The following MYRFL variants were observed in gnomAD, a reference collection of about 807,000 sequenced individuals.
The protein encoded by MYRFL is myelin regulatory factor like.
A neutral mutation model predicts 109.4 loss-of-function variants in MYRFL; 88 were observed. The ratio of observed to expected loss-of-function variants is 0.80; its 90% CI spans 0.68 to 0.96. The LOEUF (loss-of-function observed/expected upper bound fraction) is 0.96, where lower values mean the gene tolerates loss of function less well. Ranked by LOEUF, MYRFL falls within the 40% of genes least tolerant of loss-of-function variation. MYRFL has a pLI of 0.00. For missense variants in MYRFL, 957 were observed against 954.9 expected, an observed-to-expected ratio of 1.00 and a Z score of -0.03; for synonymous variants, 324 against 320.9, an observed-to-expected ratio of 1.01 and a Z score of -0.10.
chr12:69,927,352 A>G (rs922946689), intron 14 of MYRFL, among the ~76,000 whole-genome samples: 1 of 152,074 alleles, frequency 6.6e-6, no homozygotes, highest in Non-Finnish European at 1.5e-5. Flanking sequence ...TTTAATGAGG[A>G]GAAGTGGTCA....
At chr12:69,886,695 A>G in intron 5 of MYRFL, 125 bp from the exon 6 acceptor site, 1 of 1,165,154 alleles carries the variant, frequency 8.6e-7, no homozygotes, top group Admixed American at 2.3e-5. Flanking sequence ...TCCTACCCCC[A>G]GCACATGACA....
chr12:69,917,314 C>G (rs1022390457), intron 13 of MYRFL, among the ~76,000 whole-genome samples: 1 of 150,912 alleles, frequency 6.6e-6, no homozygotes, highest in African/African-American at 2.4e-5. Context: ...TGTAAACAAA[C>G]TGTAAACTTG....
At chr12:69,837,599 G>C (rs575879251) in intron 1 of MYRFL, among the ~76,000 whole-genome samples, 44 of 152,304 alleles carry the variant, frequency 2.9e-4, no homozygotes, top group Non-Finnish European at 5.9e-4. Flanking sequence ...TCATCCAGAT[G>C]AGGAAGTAGG....
intron 21 of MYRFL, among the ~76,000 whole-genome samples, 200 bp downstream of exon 21, chr12:69,953,086 G>A (rs957900910): frequency 2.0e-5 from 3 of 152,122 alleles, no homozygotes; most frequent in Admixed American, 6.6e-5. Context: ...AATAAGCCAC[G>A]GCCCTAGTGA....
At chr12:69,902,194 C>G (rs1240838745) in intron 10 of MYRFL, among the ~76,000 whole-genome samples, 1 of 152,146 alleles carries the variant, frequency 6.6e-6, no homozygotes, top group Non-Finnish European at 1.5e-5. Flanking sequence ...ACACACCTGG[C>G]CTCTTTCACT....
chr12:69,836,297 G>A (rs1476930595), intron 1 of MYRFL, among the ~76,000 whole-genome samples: 2 of 152,112 alleles, frequency 1.3e-5, no homozygotes, highest in Non-Finnish European at 1.5e-5. Flanking sequence ...CTGGGGTCTC[G>A]GGTTTTTATA....
chr12:69,958,142 C>T (rs1956134590), intron 23 of MYRFL, 107 bp from the exon 24 acceptor site: 1 of 1,199,488 alleles, frequency 8.3e-7, no homozygotes, highest in Admixed American at 2.3e-5. Flanking sequence ...GCTGTGATCC[C>T]AATACTTCTC....
chr12:69,856,067 G>T (rs377366261), intron 2 of MYRFL, among the ~76,000 whole-genome samples: 1 of 151,366 alleles, frequency 6.6e-6, no homozygotes, highest in Non-Finnish European at 1.5e-5. Context: ...TCCCTATGCC[G>T]TTCATTTGTG....
At chr12:69,842,584 AG>A (rs989493988) in intron 1 of MYRFL, among the ~76,000 whole-genome samples, 6 of 152,348 alleles carry the variant, frequency 3.9e-5, no homozygotes, top group African/African-American at 1.4e-4. Flanking sequence ...TACAGCTGGC[AG>A]TGGGGTCCGG....
intron 1 of MYRFL, among the ~76,000 whole-genome samples, chr12:69,833,828 C>CTT (rs11300053): frequency 0.4 from 45,583 of 113,530 alleles, 9,416 homozygotes; most frequent in Non-Finnish European, 0.47. Flanking sequence ...ATAGGGCTTG[C>CTT]TTTTTTTTTT....
chr12:69,829,538 T>A (rs1882490939), intron 1 of MYRFL, among the ~76,000 whole-genome samples: 1 of 152,058 alleles, frequency 6.6e-6, no homozygotes, highest in African/African-American at 2.4e-5. Flanking sequence ...GATATTGGCA[T>A]ATAGTAGGCA....
At chr12:69,872,067 T>TGC (rs746037395) in intron 2 of MYRFL, among the ~76,000 whole-genome samples, 11,586 of 152,238 alleles carry the variant, frequency 0.076, 620 homozygotes, top group Non-Finnish European at 0.11. Flanking sequence ...TTTGAAACTC[T>TGC]GTTATTAAGT....
intron 1 of MYRFL, among the ~76,000 whole-genome samples, chr12:69,836,315 G>A (rs1254257750): frequency 6.6e-6 from 1 of 152,130 alleles, no homozygotes; most frequent in East Asian, 1.9e-4. Context: ...ATAGGCACAG[G>A]ATGGGGGACG....
At chr12:69,951,893 G>A (rs563004770) in intron 19 of MYRFL, among the ~76,000 whole-genome samples, 1 of 152,336 alleles carries the variant, frequency 6.6e-6, no homozygotes, top group African/African-American at 2.4e-5. Flanking sequence ...TTGGTAGCTG[G>A]GAAGGGGACC....
At chr12:69,840,155 C>T (rs1196906391) in intron 1 of MYRFL, among the ~76,000 whole-genome samples, 1 of 152,192 alleles carries the variant, frequency 6.6e-6, no homozygotes, top group African/African-American at 2.4e-5. Context: ...TGAATGCAAT[C>T]AGTCACGATT....
At chr12:69,957,967 C>G in intron 23 of MYRFL, 25 bp downstream of exon 23, 1 of 1,523,272 alleles carries the variant, frequency 6.6e-7, no homozygotes, top group Non-Finnish European at 8.8e-7. Flanking sequence ...CTCCTCTCTT[C>G]CCCGCTGAGA....
At chr12:69,861,823 C>T (rs1413167596) in intron 2 of MYRFL, among the ~76,000 whole-genome samples, 1 of 150,730 alleles carries the variant, frequency 6.6e-6, no homozygotes, top group Non-Finnish European at 1.5e-5. Context: ...AGTCCTTGCC[C>T]ATGCCTATGT....
At position 69,952,803 on chromosome 12, in the gene MYRFL, T is replaced by C. The variant is rs17107358; in HGVS notation, c.2292T>C (p.Ile764=). 7.8e-3 allele frequency: 11,842 copies of C among 1,524,544 alleles called. 705 individuals are homozygous for C. The Admixed American group carries it at 0.13, about 17-fold the overall frequency. The allele number at this position is 1,524,544 out of a possible 1,614,324, so 94.4% of individuals were successfully genotyped here. A position where few individuals can be genotyped will look rare whatever the true frequency, so the allele number is the denominator to read the frequency against. ...GTCTATTTCTTCTCAATTCAGGGAT[T>C]GATACAACCATCAGTTCTATTCAGA... is the stretch of plus-strand genomic sequence containing the variant. ...LSGPDWESDW[I]DTTISSIQIM... The change falls in exon 21 of 25, where the codon ATT becomes ATC. Residue 764 remains isoleucine (I), a synonymous_variant. Coordinates refer to ENST00000552032, the MANE Select transcript of MYRFL (RefSeq NM_182530.3).
chr12:69,958,651 G>C lies in MYRFL; in HGVS notation c.*120G>C. 1.3e-6 allele frequency: 1 copy of C among 741,326 alleles called. No individual in the cohort carries two copies. The highest frequency in any genetic ancestry group is 2.1e-6 in the Non-Finnish European group (1 of 471,380). The allele number at this position is 741,326 out of a possible 1,614,324, so 45.9% of individuals were successfully genotyped here. ...TAAAACATTTACGTTTATTGCTGAAGGACTTTTTCAGGCTTTAGCTTCCAA... is the reference window on the plus strand; with the variant it reads ...TAAAACATTTACGTTTATTGCTGAACGACTTTTTCAGGCTTTAGCTTCCAA... On this transcript the variant is annotated 3_prime_UTR_variant, in exon 25 of 25. Coordinates refer to ENST00000552032, the MANE Select transcript of MYRFL (RefSeq NM_182530.3).
Sources: allele counts gnomAD v4.1 joint callset (sites outside exome capture counted in the v4.1 genomes callset), GRCh38; gene constraint gnomAD v4.1.1; transcripts MANE v1.5; gene names NCBI Gene and HGNC (gene_info 2026-07-23, HGNC 2026-07-21).